Variants in CERK observed in about 807,000 individuals in gnomAD.
CERK encodes acylsphingosine kinase.
A neutral mutation model predicts 63.4 loss-of-function variants in CERK; 39 were observed. That is an observed-to-expected ratio of 0.61 (90% CI 0.48 to 0.80). The LOEUF (loss-of-function observed/expected upper bound fraction) is 0.80. CERK is among the 30% of genes least tolerant of loss of function. The probability of loss-of-function intolerance (pLI) is 0.00; values close to 1 mark genes in which losing one functional copy is unlikely to be tolerated. For synonymous variants in CERK, 302 were observed against 280.0 expected, an observed-to-expected ratio of 1.08 and a Z score of -0.78; for missense variants, 670 against 714.1, an observed-to-expected ratio of 0.94 and a Z score of 0.70.
chr22:46,686,790 A>ATCTCGGTGGTCGCCG lies in CERK; in HGVS notation c.*343_*344insCGGCGACCACCGAGA. On this transcript the variant is annotated 3_prime_UTR_variant, in exon 13 of 13. Coordinates refer to ENST00000216264, the MANE Select transcript of CERK (RefSeq NM_022766.6). ...GGCCCAGATGGTGTGACCTGCGTGGAAATCATATAATGTCCCTAACATTAT... is the reference window on the plus strand; with the variant it reads ...GGCCCAGATGGTGTGACCTGCGTGGATCTCGGTGGTCGCCGAATCATATAATGTCCCTAACATTAT... The ATCTCGGTGGTCGCCG allele has an allele frequency of 4.3e-6, 1 of 233,850 alleles. No homozygotes were observed. The highest frequency in any genetic ancestry group is 8.6e-6 in the Non-Finnish European group (1 of 116,816). The allele number at this position is 233,850 out of a possible 1,614,324, so 14.5% of individuals were successfully genotyped here.
At chr22:46,688,743 G>A (rs891237324) in intron 12 of CERK, among the ~76,000 whole-genome samples, 7 of 152,244 alleles carry the variant, frequency 4.6e-5, no homozygotes, top group African/African-American at 1.7e-4. Context: ...AGACAGGCGT[G>A]GGCCTGCTGA....
At chr22:46,727,035 C>G (rs2082921946) in intron 1 of CERK, among the ~76,000 whole-genome samples, 1 of 152,144 alleles carries the variant, frequency 6.6e-6, no homozygotes, top group Non-Finnish European at 1.5e-5. Context: ...GAAAAACTCA[C>G]CATGCAAATC....
Position 46,708,050 on chromosome 22 carries a change from C to G in CERK, c.570-62G>C. The G allele has an allele frequency of 2.0e-6, 3 of 1,508,712 alleles. No individual in the cohort carries two copies. In the South Asian group the frequency reaches 3.8e-5, roughly 19 times the overall value. 93.5% of individuals were successfully genotyped at this position (1,508,712 alleles called of 1,614,324 possible). On this transcript the variant is annotated intron_variant, in intron 5 of 12. Transcript: ENST00000216264. ...GTGCGGCCCTCTGAGCGCAGCAGGCCTGAGGCTTCCAGCTTCAGGAGGGGC... is the reference window on the plus strand; with the variant it reads ...GTGCGGCCCTCTGAGCGCAGCAGGCGTGAGGCTTCCAGCTTCAGGAGGGGC...
chr22:46,691,421 CAGG>C, intron 11 of CERK, 148 bp downstream of exon 11: 1 of 650,184 alleles, frequency 1.5e-6, no homozygotes, highest in Non-Finnish European at 2.6e-6. Flanking sequence ...TAGTTGTAAC[CAGG>C]AGTTTAAAGT....
intron 11 of CERK, 61 bp downstream of exon 11, chr22:46,691,511 G>A (rs998071511): frequency 1.9e-5 from 26 of 1,379,178 alleles, no homozygotes; most frequent in Non-Finnish European, 2.3e-5. Flanking sequence ...ACATAAACCA[G>A]GGACTGCTGG....
intron 1 of CERK, among the ~76,000 whole-genome samples, chr22:46,737,295 A>C (rs556839921): frequency 1.9e-5 from 2 of 107,910 alleles, no homozygotes; most frequent in African/African-American, 5.2e-5. Context: ...CCGACTCAAA[A>C]AAAAAAAAAA....
intron 9 of CERK, 109 bp from the exon 10 acceptor site, chr22:46,693,612 A>G: frequency 2.2e-6 from 2 of 917,224 alleles, no homozygotes; most frequent in Non-Finnish European, 3.5e-6. Context: ...AAAAAATTCC[A>G]TTTCAAAGGC....
chr22:46,734,720 G>A (rs2082963774), intron 1 of CERK, among the ~76,000 whole-genome samples: 1 of 152,228 alleles, frequency 6.6e-6, no homozygotes, highest in African/African-American at 2.4e-5. Context: ...ACACTCTGCA[G>A]TATGTTTTCT....
At position 46,693,496 on chromosome 22, in the gene CERK, CA is replaced by C; in HGVS notation, c.1056del (p.Phe352LeufsTer81). On this transcript the variant is annotated frameshift_variant, in exon 10 of 13. Coordinates refer to ENST00000216264, the MANE Select transcript of CERK (RefSeq NM_022766.6). LOFTEE classifies it high-confidence loss of function. ...RDRKPCRAGC[F>X]VCRQSKQQLE... The stretch of plus-strand genomic sequence containing the variant: ...AGCTGCTGCTTGCTTTGCCTGCAAA[CA>C]AAGCATCTGAAAGACAAGAATATCA... 5.6e-6 allele frequency: 9 copies of C among 1,613,982 alleles called. No homozygotes were observed. Among genetic ancestry groups the C allele is most frequent in the Non-Finnish European group, 7.6e-6 (9 of 1,179,876 alleles).
At chr22:46,731,198 G>A (rs1030349938) in intron 1 of CERK, among the ~76,000 whole-genome samples, 12 of 152,252 alleles carry the variant, frequency 7.9e-5, no homozygotes, top group African/African-American at 2.9e-4. Flanking sequence ...CCCTGCACTG[G>A]CGAGGTGCCC....
At chr22:46,687,861 GCCT>G (rs1251847214) in intron 12 of CERK, among the ~76,000 whole-genome samples, 1 of 152,174 alleles carries the variant, frequency 6.6e-6, no homozygotes, top group Non-Finnish European at 1.5e-5. Context: ...TGATATCACA[GCCT>G]CCTCAGACGT....
chr22:46,727,856 C>T (rs1426514677), intron 1 of CERK, among the ~76,000 whole-genome samples: 1 of 151,958 alleles, frequency 6.6e-6, no homozygotes, highest in Non-Finnish European at 1.5e-5. Flanking sequence ...GCCACCCCCG[C>T]GGCTCCTTAG....
Position 46,714,048 on chromosome 22 carries a change from A to G in CERK, c.380-1755T>C, listed in dbSNP as rs1357127437. 6.6e-6 allele frequency among the ~76,000 whole-genome samples: 1 copy of G among 152,194 alleles called. No homozygotes were observed. ...CACTTTGGGAGGCCGAGGTGGGCAG[A>G]TCACTTGAGGTCAGGTGTTTGAAAC... On this transcript the variant is annotated intron_variant, in intron 3 of 12. Coordinates refer to ENST00000216264, the MANE Select transcript of CERK (RefSeq NM_022766.6). The surrounding 1 kb of genome is among the most constrained non-coding windows in gnomAD (Gnocchi z 4.4).
chr22:46,734,616 T>C (rs1361548856), intron 1 of CERK, among the ~76,000 whole-genome samples: 1 of 152,226 alleles, frequency 6.6e-6, no homozygotes. Context: ...ACTATGTGCC[T>C]TAAAATGTCT....
At chr22:46,691,207 T>C (rs1376384151) in intron 11 of CERK, among the ~76,000 whole-genome samples, 1 of 152,126 alleles carries the variant, frequency 6.6e-6, no homozygotes, top group African/African-American at 2.4e-5. Context: ...CCCGAGTAGC[T>C]GGGATTACAG....
At chr22:46,692,244 TGG>T (rs1000331557) in intron 10 of CERK, among the ~76,000 whole-genome samples, 20 of 144,352 alleles carry the variant, frequency 1.4e-4, no homozygotes, top group Non-Finnish European at 2.3e-4. Context: ...CTGGCCAACA[TGG>T]TGAAAACCAT....
At position 46,738,179 on chromosome 22, in the gene CERK, G is replaced by A. The variant is rs1383140803; in HGVS notation, c.-31C>T. ...CCGCCGGGCTCGTCCGCCAGGCTGG[G>A]GGCGCGCGGACGCCGAGGGGCGCCG... On this transcript the variant is annotated 5_prime_UTR_variant, in exon 1 of 13. Transcript: ENST00000216264. The A allele has an allele frequency of 5.3e-6, 6 of 1,128,722 alleles. 1 individual carries two copies. The South Asian group carries it at 1.4e-4, about 26-fold the overall frequency. 69.9% of individuals were successfully genotyped at this position (1,128,722 alleles called of 1,614,324 possible).
At chr22:46,691,040 CACATGTATACATACAT>C (rs1360595702) in intron 11 of CERK, among the ~76,000 whole-genome samples, 9 of 135,840 alleles carry the variant, frequency 6.6e-5, no homozygotes, top group African/African-American at 2.6e-4. Flanking sequence ...CACATACACA[CACATGTATACATACAT>C]ACACACACAC....
chr22:46,712,538 A>C (rs759099205), intron 3 of CERK, among the ~76,000 whole-genome samples: 14 of 152,086 alleles, frequency 9.2e-5, no homozygotes, highest in Admixed American at 2.0e-4. Context: ...ACTCCCACGA[A>C]CTCAGAATTC....
Sources: allele counts gnomAD v4.1 joint callset (sites outside exome capture counted in the v4.1 genomes callset), GRCh38; gene constraint gnomAD v4.1.1; non-coding constraint Gnocchi (gnomAD v3.1); transcripts MANE v1.5; gene names NCBI Gene and HGNC (gene_info 2026-07-23, HGNC 2026-07-21).